Variants in PDE3A observed in about 807,000 individuals in gnomAD.
PDE3A encodes cGMP-inhibited 3',5'-cyclic phosphodiesterase 3A.
In PDE3A, 43 loss-of-function variants were observed where a neutral mutation model predicts 98.3. That is an observed-to-expected ratio of 0.44 (90% CI 0.34 to 0.56). The LOEUF is 0.56. Among genes scored for constraint, PDE3A ranks in the 20% least tolerant of loss-of-function variants. The pLI, the probability that PDE3A is intolerant of heterozygous loss-of-function variation, is 0.01. For missense variants in PDE3A, 1,427 were observed against 1,440.7 expected (o/e 0.99, Z 0.15); for synonymous variants, 663 against 567.9 (o/e 1.17, Z -2.38).
At chr12:20,541,923 C>T (rs1377854237) in intron 1 of PDE3A, among the ~76,000 whole-genome samples, 1 of 152,072 alleles carries the variant, frequency 6.6e-6, no homozygotes, top group Non-Finnish European at 1.5e-5. Context: ...AACTTGAACA[C>T]AAAATGCACA....
At chr12:20,489,702 G>A (rs191120391) in intron 1 of PDE3A, among the ~76,000 whole-genome samples, 78 of 152,148 alleles carry the variant, frequency 5.1e-4, no homozygotes, top group African/African-American at 1.3e-3. Context: ...AGACAAAATG[G>A]CTTTATTCCA....
intron 1 of PDE3A, among the ~76,000 whole-genome samples, chr12:20,485,824 G>A (rs971480596): frequency 2.0e-5 from 3 of 152,048 alleles, no homozygotes; most frequent in African/African-American, 7.2e-5. Context: ...AGGCTATGGA[G>A]TACAAAGATT....
intron 1 of PDE3A, among the ~76,000 whole-genome samples, chr12:20,520,448 C>T (rs532505390): frequency 6.6e-6 from 1 of 152,232 alleles, no homozygotes; most frequent in African/African-American, 2.4e-5. Context: ...CATCCTGGTG[C>T]GTGCTGGCTA....
chr12:20,414,022 GGTGATGATAGATAACAGAAT>G (rs1944379085), intron 1 of PDE3A, among the ~76,000 whole-genome samples: 1 of 152,168 alleles, frequency 6.6e-6, no homozygotes, highest in African/African-American at 2.4e-5. Context: ...TTCTGTGAAA[GGTGATGATAGATAACAGAAT>G]GTGATTCCTG....
At chr12:20,550,130 C>T (rs1003840823) in intron 1 of PDE3A, among the ~76,000 whole-genome samples, 3 of 152,096 alleles carry the variant, frequency 2.0e-5, no homozygotes, top group East Asian at 1.9e-4. Context: ...GAAATATTCT[C>T]TCTTAAATCA....
At chr12:20,434,592 CG>C (rs1944750907) in intron 1 of PDE3A, among the ~76,000 whole-genome samples, 1 of 151,830 alleles carries the variant, frequency 6.6e-6, no homozygotes, top group Non-Finnish European at 1.5e-5. Context: ...GTGGCAGGGA[CG>C]GGGAAAGCAG....
intron 1 of PDE3A, among the ~76,000 whole-genome samples, chr12:20,526,447 ATCAAATTTTT>A (rs1185003864): frequency 6.6e-6 from 1 of 152,198 alleles, no homozygotes; most frequent in African/African-American, 2.4e-5. Flanking sequence ...CATTTTTTAA[ATCAAATTTTT>A]TTAAAAAAGT....
chr12:20,579,730 G>A (rs1943021317), intron 2 of PDE3A, among the ~76,000 whole-genome samples: 2 of 152,124 alleles, frequency 1.3e-5, no homozygotes, highest in Admixed American at 1.3e-4. Flanking sequence ...TACCAGTTCT[G>A]AATAACTTTC....
intron 1 of PDE3A, among the ~76,000 whole-genome samples, chr12:20,509,689 G>C (rs553879166): frequency 1.3e-5 from 2 of 152,068 alleles, no homozygotes; most frequent in East Asian, 3.9e-4. Flanking sequence ...TTTGTTACCA[G>C]ATGATATTTT....
intron 1 of PDE3A, among the ~76,000 whole-genome samples, chr12:20,417,471 T>C (rs929187525): frequency 6.6e-6 from 1 of 152,228 alleles, no homozygotes; most frequent in African/African-American, 2.4e-5. Flanking sequence ...CTATTCTTAA[T>C]TTCCAGTGGT....
intron 1 of PDE3A, among the ~76,000 whole-genome samples, chr12:20,464,861 AT>A (rs1945312986): frequency 6.6e-6 from 1 of 151,762 alleles, no homozygotes; most frequent in Admixed American, 6.6e-5. Context: ...ATCCAATCAT[AT>A]TTTATAGAGA....
chr12:20,443,413 G>A (rs1944901981), intron 1 of PDE3A, among the ~76,000 whole-genome samples: 1 of 152,120 alleles, frequency 6.6e-6, no homozygotes, highest in African/African-American at 2.4e-5. Context: ...AATTAATGCT[G>A]ACATAAGCTA....
intron 1 of PDE3A, among the ~76,000 whole-genome samples, chr12:20,397,327 C>T (rs150449379): frequency 2.6e-5 from 4 of 152,012 alleles, no homozygotes; most frequent in African/African-American, 7.2e-5. Context: ...GAGTGCTAGA[C>T]ATGGTATCAT....
At position 20,652,652 on chromosome 12, in the gene PDE3A, G is replaced by A. The variant is rs1592149561; in HGVS notation, c.2926-1295G>A. On this transcript the variant is annotated intron_variant, in intron 14 of 15. Transcript: ENST00000359062. ...TCTTGTAAATTTGTTTGAGTTCATT[G>A]TAGATTCTGGATATTAGCCCTTTGT... 2.0e-5 allele frequency among the ~76,000 whole-genome samples: 3 copies of A among 152,124 alleles called. No individual in the cohort carries two copies. In the East Asian group the frequency reaches 5.8e-4, roughly 29 times the overall value.
In PDE3A at chr12:20,685,182, G is replaced by C. The variant is rs187171358; in HGVS notation, c.*4911G>C. 1.3e-4 allele frequency among the ~76,000 whole-genome samples: 20 copies of C among 152,208 alleles called. No homozygotes were observed. The highest frequency in any genetic ancestry group is 4.8e-5 in the African/African-American group (2 of 41,536). The stretch of plus-strand genomic sequence containing the variant: ...AATCCCAGCACTTTGGGAGGCCAAG[G>C]CTGGTGGATCACCTGAGGTCGGGAG... On this transcript the variant is annotated 3_prime_UTR_variant, in exon 16 of 16. Transcript: ENST00000359062.
Position 20,570,407 on chromosome 12 carries a change from CAAAAAAAAAAAAAAAA to C in PDE3A, c.1011+13713_1011+13728del, listed in dbSNP as rs61242685. ...TGGGCAACAGAATGCGACGCTGTCT[CAAAAAAAAAAAAAAAA>C]AAAAAAAAAAAAAAAGGTGTAAAGG... On this transcript the variant is annotated intron_variant, in intron 2 of 15. Coordinates refer to ENST00000359062, the MANE Select transcript of PDE3A (RefSeq NM_000921.5). Among the ~76,000 whole-genome samples, 10 of 43,356 alleles carry C rather than the reference CAAAAAAAAAAAAAAAA, an allele frequency of 2.3e-4. No individual in the cohort carries two copies. The South Asian group carries it at 5.6e-3, about 24-fold the overall frequency. 28.4% of individuals were successfully genotyped at this position (43,356 alleles called of 152,430 possible).
intron 8 of PDE3A, 106 bp from the exon 9 acceptor site, chr12:20,636,994 G>C (rs916942519): frequency 4.3e-6 from 3 of 690,742 alleles, no homozygotes; most frequent in Non-Finnish European, 6.8e-6. Context: ...GGAGTTTTAA[G>C]TCATTTATTT....
Position 20,680,793 on chromosome 12 carries a change from G to A in PDE3A, c.*522G>A, listed in dbSNP as rs1310502642. ...AGTACTGAGGGATGAAAGTTCCAGA[G>A]CATTATTTGAATTCTGATACATCCT... On this transcript the variant is annotated 3_prime_UTR_variant, in exon 16 of 16. Coordinates refer to ENST00000359062, the MANE Select transcript of PDE3A (RefSeq NM_000921.5). The A allele has an allele frequency of 6.5e-6, 1 of 152,790 alleles. No homozygotes were observed. The highest frequency in any genetic ancestry group is 6.6e-5 in the Admixed American group (1 of 15,168). The allele number at this position is 152,790 out of a possible 1,614,324, so 9.5% of individuals were successfully genotyped here.
At position 20,633,761 on chromosome 12, in the gene PDE3A, G is replaced by A. The variant is rs771676264; in HGVS notation, c.1829G>A (p.Arg610Gln). 16 of 1,597,982 alleles carry A rather than the reference G, an allele frequency of 1.0e-5. No homozygotes were observed. The African/African-American group carries it at 1.3e-4, about 13-fold the overall frequency. The change falls in exon 7 of 16, where the codon CGG becomes CAG. Residue 610 changes from arginine (R) to glutamine (Q), a missense_variant. Physicochemically the swap from Arg to Gln is conservative, Grantham distance 43. This residue lies in a region of PDE3A where 1,012 missense variants were observed against 886.5 expected (regional missense o/e 1.14). Coordinates refer to ENST00000359062, the MANE Select transcript of PDE3A (RefSeq NM_000921.5). ...EPLERSGVAT[R>Q]TPSRTDDTAQ... ...CTGGAGAGAAGTGGGGTAGCCACTC[G>A]GACACCAAGTAGAACAGGTAATTCA...
Sources: allele counts gnomAD v4.1 joint callset (sites outside exome capture counted in the v4.1 genomes callset), GRCh38; gene constraint gnomAD v4.1.1; regional missense constraint gnomAD v4.1.1; transcripts MANE v1.5; gene names NCBI Gene and HGNC (gene_info 2026-07-23, HGNC 2026-07-21).